The following PCGF6 variants were observed in gnomAD, a reference collection of about 807,000 sequenced individuals.
PCGF6 encodes polycomb group ring finger 6.
A neutral mutation model predicts 45.5 loss-of-function variants in PCGF6; 24 were observed. The observed-to-expected ratio is 0.53, with a 90% CI of 0.38 to 0.74. PCGF6 has a LOEUF of 0.74. Ranked by LOEUF, PCGF6 falls within the 30% of genes least tolerant of loss-of-function variation. PCGF6 has a pLI of 0.00. For synonymous variants in PCGF6, 152 were observed against 162.1 expected, an observed-to-expected ratio of 0.94 and a Z score of 0.47; for missense variants, 356 against 443.2, an observed-to-expected ratio of 0.80 and a Z score of 1.77.
chr10:103,316,091 T>C (rs935714619), intron 8 of PCGF6, among the ~76,000 whole-genome samples: 1 of 151,936 alleles, frequency 6.6e-6, no homozygotes, highest in African/African-American at 2.4e-5. Context: ...ATTTAGATTA[T>C]GGTATGAAAT....
chr10:103,346,059 G>A (rs1393323630), intron 5 of PCGF6, among the ~76,000 whole-genome samples: 1 of 151,158 alleles, frequency 6.6e-6, no homozygotes, highest in Non-Finnish European at 1.5e-5. Context: ...AGCTGGGTGT[G>A]GTGGCACATG....
At chr10:103,326,838 T>C (rs991812796) in intron 7 of PCGF6, among the ~76,000 whole-genome samples, 2 of 152,236 alleles carry the variant, frequency 1.3e-5, no homozygotes, top group African/African-American at 2.4e-5. Context: ...TTTCCCTTTC[T>C]GAAAAGTATG....
intron 7 of PCGF6, among the ~76,000 whole-genome samples, chr10:103,329,571 G>C (rs1040389143): frequency 6.6e-6 from 1 of 151,812 alleles, no homozygotes; most frequent in Non-Finnish European, 1.5e-5. Flanking sequence ...TCTGCCTCCC[G>C]AGTTCAAGCA....
chr10:103,326,422 C>T, intron 8 of PCGF6, 112 bp downstream of exon 8: 1 of 565,212 alleles, frequency 1.8e-6, no homozygotes, highest in Non-Finnish European at 2.9e-6. Flanking sequence ...TCTACAACAT[C>T]ATAAAACAAA....
chr10:103,344,140 C>T (rs561363901), intron 6 of PCGF6, among the ~76,000 whole-genome samples: 6 of 151,648 alleles, frequency 4.0e-5, no homozygotes, highest in Non-Finnish European at 8.8e-5. Flanking sequence ...TATATTTCAA[C>T]AGGGATGAAT....
chr10:103,326,987 T>C (rs1052177419), intron 7 of PCGF6, among the ~76,000 whole-genome samples: 1 of 152,102 alleles, frequency 6.6e-6, no homozygotes, highest in African/African-American at 2.4e-5. Context: ...CAATACCAAA[T>C]GTCTGAAACA....
intron 8 of PCGF6, among the ~76,000 whole-genome samples, chr10:103,316,013 T>TAGAGAGAGAGAGAGAGAGAGAGAG (rs5787488): frequency 8.4e-6 from 1 of 119,502 alleles, no homozygotes; most frequent in African/African-American, 3.2e-5. Flanking sequence ...TATATATATA[T>TAGAGAGAGAGAGAGAGAGAGAGAG]AGAGAGAGAG....
intron 7 of PCGF6, among the ~76,000 whole-genome samples, chr10:103,328,165 G>T (rs994666997): frequency 6.6e-6 from 1 of 152,072 alleles, no homozygotes; most frequent in Non-Finnish European, 1.5e-5. Flanking sequence ...ATAAAAAGCT[G>T]AAGTAATCAG....
intron 9 of PCGF6, among the ~76,000 whole-genome samples, chr10:103,312,112 G>A (rs571502186): frequency 4.1e-5 from 5 of 123,006 alleles, no homozygotes; most frequent in South Asian, 2.7e-4. Flanking sequence ...AAAAAGTCAC[G>A]GTTGGGCATG....
At chr10:103,340,944 T>C (rs1320974678) in intron 6 of PCGF6, among the ~76,000 whole-genome samples, 1 of 152,106 alleles carries the variant, frequency 6.6e-6, no homozygotes, top group African/African-American at 2.4e-5. Context: ...AAAAATATAA[T>C]TCCTTACAGG....
intron 9 of PCGF6, 98 bp from the exon 10 acceptor site, chr10:103,304,059 C>T: frequency 1.1e-6 from 1 of 893,456 alleles, no homozygotes; most frequent in Non-Finnish European, 1.8e-6. Context: ...AATAATCTAA[C>T]ACTAAGGTGA....
In PCGF6 at chr10:103,303,747, A is replaced by G; in HGVS notation, c.*158T>C. ...GTAACAGATGCATTCCATCGTTCCA[A>G]GTTGTACTTATAAACGCTATAATTC... On this transcript the variant is annotated 3_prime_UTR_variant, in exon 10 of 10. Coordinates refer to ENST00000369847, the MANE Select transcript of PCGF6 (RefSeq NM_001011663.2). 1 of 591,428 alleles carries G rather than the reference A, an allele frequency of 1.7e-6. No homozygotes were observed. Among genetic ancestry groups the G allele is most frequent in the East Asian group, 2.7e-5 (1 of 37,504 alleles). The allele number at this position is 591,428 out of a possible 1,614,324, so 36.6% of individuals were successfully genotyped here.
rs1287063734 is a variant in PCGF6, at chr10:103,350,969, G to A, written c.98C>T (p.Ala33Val). The change falls in exon 1 of 10, where the codon GCC becomes GTC. Residue 33 changes from alanine to valine, a missense_variant. Physicochemically the swap from Ala to Val is moderately conservative, Grantham distance 64 (BLOSUM62 0). Transcript: ENST00000369847. ...LPPPPPVSPPALTPAPAAGEE... is the reference protein window; with the variant it reads ...LPPPPPVSPPVLTPAPAAGEE... ...ACCCGCTGCGGGTGCAGGGGTGAGG[G>A]CGGGCGGGGAGACAGGAGGCGGAGG... 2 of 1,433,924 alleles carry A rather than the reference G, an allele frequency of 1.4e-6. No homozygotes were observed. Among genetic ancestry groups the A allele is most frequent in the Non-Finnish European group, 1.8e-6 (2 of 1,096,388 alleles). The allele number at this position is 1,433,924 out of a possible 1,614,324, so 88.8% of individuals were successfully genotyped here.
intron 6 of PCGF6, among the ~76,000 whole-genome samples, chr10:103,340,495 G>A (rs1458882961): frequency 1.3e-5 from 2 of 151,908 alleles, no homozygotes; most frequent in Non-Finnish European, 2.9e-5. Flanking sequence ...CCCATCACAC[G>A]TTTACCATCG....
At chr10:103,330,189 C>T (rs1394671806) in intron 7 of PCGF6, among the ~76,000 whole-genome samples, 1 of 152,068 alleles carries the variant, frequency 6.6e-6, no homozygotes, top group Non-Finnish European at 1.5e-5. Flanking sequence ...ATTCTCCTGC[C>T]ACAGCCCTCC....
rs750269866 is a variant in PCGF6, at chr10:103,348,993, T to C, written c.367A>G (p.Ile123Val). The change falls in exon 2 of 10, where the codon ATT (isoleucine) becomes GTT (valine). Residue 123 changes from isoleucine (I) to valine (V), a missense_variant. Around this residue, in one of 2 missense-constraint regions of PCGF6, gnomAD observed 307 missense variants for 350.1 expected, o/e 0.88. Coordinates refer to ENST00000369847, the MANE Select transcript of PCGF6 (RefSeq NM_001011663.2). The stretch of plus-strand genomic sequence containing the variant: ...TATGGGGTCAGCTCAGAGAGATTAA[T>C]CAGGCGCTGCAAATAAACGGAAACA... ...QDSEDEEERL[I>V]NLSELTPYIL... 3.6e-5 allele frequency: 58 copies of C among 1,609,904 alleles called. 1 individual carries two copies. In the Admixed American group the frequency reaches 9.7e-4, roughly 27 times the overall value.
intron 8 of PCGF6, among the ~76,000 whole-genome samples, chr10:103,316,401 C>G (rs1159309670): frequency 6.6e-6 from 1 of 152,134 alleles, no homozygotes; most frequent in Admixed American, 6.6e-5. Flanking sequence ...AAATAAGCAG[C>G]CACTATGTAC....
At chr10:103,340,198 AAT>A (rs1191965991) in intron 6 of PCGF6, among the ~76,000 whole-genome samples, 1,193 of 87,804 alleles carry the variant, frequency 0.014, 51 homozygotes, top group East Asian at 0.057. Context: ...AAAAAAAAAA[AAT>A]ATATATATAT....
intron 6 of PCGF6, among the ~76,000 whole-genome samples, chr10:103,340,392 C>T (rs1223318512): frequency 1.3e-5 from 2 of 151,862 alleles, no homozygotes; most frequent in Non-Finnish European, 2.9e-5. Flanking sequence ...GTAATGACTG[C>T]CTTGAGCAGT....
Sources: gnomAD v4.1 joint callset for allele counts (sites outside exome capture counted in the v4.1 genomes callset) on GRCh38, gnomAD v4.1.1 for gene constraint, gnomAD v4.1.1 regional missense constraint, MANE v1.5 for transcripts, NCBI Gene and HGNC (gene_info 2026-07-23, HGNC 2026-07-21) for gene names.